PHF14: variants seen among roughly 807,000 people sequenced by gnomAD.
PHF14 encodes PHD finger protein 14.
A neutral mutation model predicts 117.9 loss-of-function variants in PHF14; 55 were observed. That is an observed-to-expected ratio of 0.47 (90% CI 0.38 to 0.58). The LOEUF is 0.58. Among genes scored for constraint, PHF14 ranks in the 20% least tolerant of loss-of-function variants. The pLI is 0.00. For missense variants in PHF14, 978 were observed against 1,122.2 expected (o/e 0.87, Z 1.84); for synonymous variants, 409 against 368.6 (o/e 1.11, Z -1.26).
chr7:11,124,181 A>G (rs1013681028), intron 17 of PHF14, among the ~76,000 whole-genome samples: 1 of 152,044 alleles, frequency 6.6e-6, no homozygotes, highest in African/African-American at 2.4e-5. Context: ...TTTTAAACAT[A>G]AAGAAGTATT....
intron 16 of PHF14, among the ~76,000 whole-genome samples, chr7:11,063,889 A>C (rs952924291): frequency 6.6e-6 from 1 of 151,884 alleles, no homozygotes; most frequent in African/African-American, 2.4e-5. Flanking sequence ...TTATTACAAT[A>C]TGCCAATGTC....
chr7:10,999,064 G>A (rs1298297591), intron 4 of PHF14, among the ~76,000 whole-genome samples: 2 of 152,150 alleles, frequency 1.3e-5, no homozygotes, highest in African/African-American at 4.8e-5. Flanking sequence ...TGTTGTTGTT[G>A]TTAAGTGATG....
chr7:11,005,942 G>A (rs1217220178), intron 4 of PHF14, among the ~76,000 whole-genome samples: 6 of 151,568 alleles, frequency 4.0e-5, no homozygotes, highest in Admixed American at 2.6e-4. Context: ...ACAGGCATGC[G>A]CCACCTCACC....
At chr7:11,060,797 T>A (rs1043368748) in intron 14 of PHF14, among the ~76,000 whole-genome samples, 2 of 152,158 alleles carry the variant, frequency 1.3e-5, no homozygotes, top group African/African-American at 4.8e-5. Context: ...TGTAAACAGA[T>A]TCATAGTTTA....
chr7:10,983,272 G>A (rs1782105772), intron 3 of PHF14, 113 bp downstream of exon 3: 1 of 1,217,114 alleles, frequency 8.2e-7, no homozygotes, highest in Non-Finnish European at 1.1e-6. Context: ...ATAGACGGCT[G>A]TGGGATGAAT....
chr7:11,097,796 A>G (rs1416781562), intron 16 of PHF14, among the ~76,000 whole-genome samples: 1 of 152,186 alleles, frequency 6.6e-6, no homozygotes, highest in Non-Finnish European at 1.5e-5. Flanking sequence ...AATAAAGTGC[A>G]CACTCTTCCA....
chr7:11,096,542 C>G (rs541406242), intron 16 of PHF14, among the ~76,000 whole-genome samples: 1 of 152,030 alleles, frequency 6.6e-6, no homozygotes, highest in Non-Finnish European at 1.5e-5. Flanking sequence ...AGTTCATTTA[C>G]GGGTATTTCA....
At chr7:11,013,935 T>C in intron 5 of PHF14, 29 bp downstream of exon 5, 1 of 1,520,402 alleles carries the variant, frequency 6.6e-7, no homozygotes, top group Admixed American at 1.7e-5. Flanking sequence ...TTGGTTCATA[T>C]GTTTGCTTTA....
At chr7:11,168,513 CAGAGAT>C (rs903944610) in intron 17 of PHF14, among the ~76,000 whole-genome samples, 4 of 152,070 alleles carry the variant, frequency 2.6e-5, no homozygotes, top group African/African-American at 7.2e-5. Context: ...TCATCAGATA[CAGAGAT>C]AGAGTGGTAT....
At chr7:11,068,934 A>G (rs894763547) in intron 16 of PHF14, among the ~76,000 whole-genome samples, 1 of 152,076 alleles carries the variant, frequency 6.6e-6, no homozygotes, top group African/African-American at 2.4e-5. Context: ...GGAATCTTGC[A>G]TGTCTTTTAT....
intron 16 of PHF14, among the ~76,000 whole-genome samples, chr7:11,094,364 T>C (rs888980403): frequency 6.6e-6 from 1 of 152,204 alleles, no homozygotes; most frequent in Non-Finnish European, 1.5e-5. Flanking sequence ...TTTCTTGCCT[T>C]TTCTAGCACT....
chr7:11,084,475 A>G (rs1229724642), intron 16 of PHF14, among the ~76,000 whole-genome samples: 1 of 147,018 alleles, frequency 6.8e-6, no homozygotes, highest in Non-Finnish European at 1.5e-5. Flanking sequence ...CATTCTAGCT[A>G]TTATAGGGTT....
At chr7:11,028,848 A>G (rs1338604445) in intron 7 of PHF14, 30 bp downstream of exon 7, 1 of 1,595,938 alleles carries the variant, frequency 6.3e-7, no homozygotes, top group Non-Finnish European at 8.6e-7. Context: ...TAGTTGGTGA[A>G]CATGTTCACA....
chr7:11,109,443 C>T (rs1787371131), intron 16 of PHF14: 1 of 147,188 alleles, frequency 6.8e-6, no homozygotes, highest in South Asian at 2.1e-4. Context: ...ATGAAACGAG[C>T]AATGTGATTT....
intron 17 of PHF14, among the ~76,000 whole-genome samples, chr7:11,153,054 TAG>T (rs1211406554): frequency 1.3e-5 from 2 of 152,184 alleles, no homozygotes; most frequent in African/African-American, 4.8e-5. Flanking sequence ...ACAAAGCTAC[TAG>T]AGAGTTCCAA....
chr7:11,045,829 G>C (rs1317147621), intron 13 of PHF14, among the ~76,000 whole-genome samples: 2 of 152,224 alleles, frequency 1.3e-5, no homozygotes, highest in Non-Finnish European at 2.9e-5. Context: ...ATGATGATGG[G>C]CTCTTGAGAA....
At chr7:11,060,744 T>C (rs764664266) in intron 14 of PHF14, among the ~76,000 whole-genome samples, 1 of 152,290 alleles carries the variant, frequency 6.6e-6, no homozygotes, top group East Asian at 1.9e-4. Flanking sequence ...TCTGCCTAAT[T>C]ACTTCCATAA....
At chr7:11,109,413 A>G (rs1458835550) in intron 16 of PHF14, 1 of 151,870 alleles carries the variant, frequency 6.6e-6, no homozygotes, top group Non-Finnish European at 1.5e-5. Flanking sequence ...AATATAAATT[A>G]TATTTAATAT....
chr7:11,056,447 T>C (rs960883051), intron 14 of PHF14, among the ~76,000 whole-genome samples: 8 of 152,106 alleles, frequency 5.3e-5, no homozygotes, highest in African/African-American at 1.9e-4. Flanking sequence ...TGATTTTCTT[T>C]TTATTCTCCC....
Sources: gnomAD v4.1 joint callset for allele counts (sites outside exome capture counted in the v4.1 genomes callset) on GRCh38, gnomAD v4.1.1 for gene constraint, MANE v1.5 for transcripts, NCBI Gene and HGNC (gene_info 2026-07-23, HGNC 2026-07-21) for gene names.